Variants in SLC27A1 observed in about 807,000 individuals in gnomAD.
SLC27A1 encodes solute carrier family 27 member 1, also known as long-chain fatty acid transport protein 1.
SLC27A1 carries 61 observed loss-of-function variants against 62.2 expected under a neutral mutation model. That is an observed-to-expected ratio of 0.98 (90% CI 0.80 to 1.21). The LOEUF (loss-of-function observed/expected upper bound fraction) is 1.21. SLC27A1 is among the 50% of genes most tolerant of loss of function. The probability of loss-of-function intolerance (pLI) is 0.00; values close to 1 mark genes in which losing one functional copy is unlikely to be tolerated. For synonymous variants in SLC27A1, 435 were observed against 408.6 expected, an observed-to-expected ratio of 1.06 and a Z score of -0.78; for missense variants, 903 against 932.1, an observed-to-expected ratio of 0.97 and a Z score of 0.41.
rs1268567904 is a variant in SLC27A1, at chr19:17,489,053, T to C, written c.932T>C (p.Val311Ala). 2 of 1,614,110 alleles carry C rather than the reference T, an allele frequency of 1.2e-6. No individual in the cohort carries two copies. Among genetic ancestry groups the C allele is most frequent in the East Asian group, 2.2e-5 (1 of 44,870 alleles). Residue 311 changes from valine (V) to alanine (A), a missense_variant, in exon 6 of 12, where the codon GTC becomes GCC. Val to Ala is a moderately conservative substitution (Grantham distance 64). Coordinates refer to ENST00000252595, the MANE Select transcript of SLC27A1 (RefSeq NM_198580.3). The stretch of plus-strand genomic sequence containing the variant: ...CAGTGTCTCATCTATGGGCTGACAG[T>C]CGTCCTCCGCAAGAAATTCTCGGCC... Reference protein sequence around the residue: ...VGQCLIYGLTVVLRKKFSASR... With the variant: ...VGQCLIYGLTAVLRKKFSASR...
chr19:17,483,238 G>C (rs2144566018), intron 1 of SLC27A1, among the ~76,000 whole-genome samples: 1 of 152,290 alleles, frequency 6.6e-6, no homozygotes, highest in East Asian at 1.9e-4. Context: ...GTGACAGGGA[G>C]GGCTCCCAGG....
chr19:17,487,040 C>T (rs755344104), intron 2 of SLC27A1, 83 bp downstream of exon 2: 21 of 1,543,382 alleles, frequency 1.4e-5, no homozygotes, highest in Non-Finnish European at 1.6e-5. Flanking sequence ...CCCCAGGCCT[C>T]GGAAGGCGGC....
At chr19:17,484,394 C>A (rs2075208677) in intron 1 of SLC27A1, among the ~76,000 whole-genome samples, 1 of 152,118 alleles carries the variant, frequency 6.6e-6, no homozygotes, top group Non-Finnish European at 1.5e-5. Flanking sequence ...AGTTCGAGAC[C>A]AGCCTGGCCA....
intron 6 of SLC27A1, among the ~76,000 whole-genome samples, chr19:17,494,819 C>T (rs73504203): frequency 0.027 from 4,129 of 150,592 alleles, 205 homozygotes; most frequent in African/African-American, 0.091. Flanking sequence ...AAATAGGCAA[C>T]GTAGAGTAGC....
chr19:17,481,835 C>T (rs932616059), intron 1 of SLC27A1, among the ~76,000 whole-genome samples: 12 of 152,146 alleles, frequency 7.9e-5, no homozygotes, highest in African/African-American at 2.9e-4. Flanking sequence ...GAAGTTCTCT[C>T]CTTAAGGAGG....
intron 1 of SLC27A1, among the ~76,000 whole-genome samples, chr19:17,476,381 C>CA (rs1323005438): frequency 2.0e-5 from 3 of 151,690 alleles, no homozygotes; most frequent in Admixed American, 1.3e-4. Context: ...ACTAAAAATA[C>CA]AAAAAAATTA....
At chr19:17,488,614 C>T in intron 4 of SLC27A1, 5 of 588,090 alleles carry the variant, frequency 8.5e-6, no homozygotes, top group Non-Finnish European at 1.5e-5. Flanking sequence ...GATCCCCCAA[C>T]CCCCCTGGCT....
intron 1 of SLC27A1, among the ~76,000 whole-genome samples, chr19:17,485,891 A>G (rs1289997019): frequency 2.0e-5 from 3 of 152,042 alleles, no homozygotes; most frequent in Non-Finnish European, 4.4e-5. Flanking sequence ...GCCTGCCTCC[A>G]CACAATCATT....
chr19:17,488,869 C>T lies in SLC27A1; in HGVS notation c.816C>T (p.Phe272=), dbSNP rs781760092. 1.2e-6 allele frequency: 2 copies of T among 1,613,784 alleles called. No homozygotes were observed. The highest frequency in any genetic ancestry group is 2.7e-5 in the African/African-American group (2 of 74,910). ...GCAGGTACTACCGCATGGCAGCCTTCGGCCACCACGCCTACCGCATGCAGG... is the reference window on the plus strand; with the variant it reads ...GCAGGTACTACCGCATGGCAGCCTTTGGCCACCACGCCTACCGCATGCAGG... ...VHSRYYRMAA[F]GHHAYRMQAA... Residue 272 remains phenylalanine (F), a synonymous_variant, in exon 5 of 12, where the codon TTC becomes TTT. Coordinates refer to ENST00000252595, the MANE Select transcript of SLC27A1 (RefSeq NM_198580.3).
At chr19:17,493,295 G>A (rs1360202240) in intron 6 of SLC27A1, among the ~76,000 whole-genome samples, 1 of 151,400 alleles carries the variant, frequency 6.6e-6, no homozygotes, top group Non-Finnish European at 1.5e-5. Context: ...ATGCATGGTG[G>A]CGGGCACCTG....
chr19:17,504,773 C>G lies in SLC27A1; in HGVS notation c.*161C>G. ...GAGAAACTGGAACCTCAGAGGAACC[C>G]GTGCCTCTCTGCTGCCTTGGTGCCC... On this transcript the variant is annotated 3_prime_UTR_variant, in exon 12 of 12. Coordinates refer to ENST00000252595, the MANE Select transcript of SLC27A1 (RefSeq NM_198580.3). 3 of 929,902 alleles carry G rather than the reference C, an allele frequency of 3.2e-6. No homozygotes were observed. The highest frequency in any genetic ancestry group is 5.1e-6 in the Non-Finnish European group (3 of 592,164). 57.6% of individuals were successfully genotyped at this position (929,902 alleles called of 1,614,324 possible).
chr19:17,477,399 G>A (rs2075135203), intron 1 of SLC27A1, among the ~76,000 whole-genome samples: 1 of 149,850 alleles, frequency 6.7e-6, no homozygotes, highest in Non-Finnish European at 1.5e-5. Context: ...GCACCACCAT[G>A]CCTGGCTACT....
At chr19:17,493,612 A>G (rs938856160) in intron 6 of SLC27A1, among the ~76,000 whole-genome samples, 5 of 151,494 alleles carry the variant, frequency 3.3e-5, no homozygotes, top group African/African-American at 1.2e-4. Context: ...GCAGCAGGCT[A>G]TAATCTAGAA....
rs1038163178 is a variant in SLC27A1 at position 17,486,510 on chromosome 19, G to C, written c.168-53G>C. On this transcript the variant is annotated intron_variant, in intron 1 of 11. Coordinates refer to ENST00000252595, the MANE Select transcript of SLC27A1 (RefSeq NM_198580.3). The surrounding 1 kb of genome is among the most constrained non-coding windows in gnomAD (Gnocchi z 6.6). Reference sequence around the variant, plus strand: ...CAGCGGGGAGGCTGAGGCTCCCAGAGGCCAGGCGGGGCAGGGCACCAGTGA... The same window carrying C: ...CAGCGGGGAGGCTGAGGCTCCCAGACGCCAGGCGGGGCAGGGCACCAGTGA... 1.3e-6 allele frequency: 2 copies of C among 1,505,440 alleles called. No homozygotes were observed. The highest frequency in any genetic ancestry group is 1.8e-6 in the Non-Finnish European group (2 of 1,129,670). The allele number at this position is 1,505,440 out of a possible 1,614,324, so 93.3% of individuals were successfully genotyped here.
In SLC27A1 at chr19:17,501,359, G is replaced by T; in HGVS notation, c.1723G>T (p.Val575Leu). The T allele has an allele frequency of 1.2e-6, 2 of 1,614,008 alleles. No homozygotes were observed. The highest frequency in any genetic ancestry group is 1.7e-6 in the Non-Finnish European group (2 of 1,179,976). The change falls in exon 11 of 12, where the codon GTG (valine) becomes TTG (leucine). Residue 575 changes from valine to leucine, a missense_variant. By Grantham distance (32) the Val-to-Leu change is conservative (BLOSUM62 1). Coordinates refer to ENST00000252595, the MANE Select transcript of SLC27A1 (RefSeq NM_198580.3). ...PNAIYQELQK[V>L]LAPYARPIFL... is the part of the protein sequence containing the mutation. ...CGCGATATACCAGGAGCTGCAGAAG[G>T]TGCTGGCACCCTATGCCCGGCCCAT... is the stretch of plus-strand genomic sequence containing the variant.
intron 1 of SLC27A1, among the ~76,000 whole-genome samples, chr19:17,479,708 A>G (rs939809759): frequency 6.6e-5 from 10 of 152,132 alleles, no homozygotes; most frequent in African/African-American, 2.4e-4. Flanking sequence ...CAGTGGTGCA[A>G]TCTAGGCTCG....
At chr19:17,500,071 A>C in intron 7 of SLC27A1, 1 of 736,648 alleles carries the variant, frequency 1.4e-6, no homozygotes, top group Non-Finnish European at 2.1e-6. Context: ...TCTTCTCTTG[A>C]CTGAATGCAG....
chr19:17,470,774 G>A, intron 1 of SLC27A1, 67 bp downstream of exon 1: 1 of 1,420,486 alleles, frequency 7.0e-7, no homozygotes, highest in South Asian at 1.4e-5. Context: ...GCACGGTGCA[G>A]GGCTGGGTTG....
Position 17,504,658 on chromosome 19 carries a change from C to T in SLC27A1, c.*46C>T. The T allele has an allele frequency of 6.2e-7, 1 of 1,611,176 alleles. No homozygotes were observed. Among genetic ancestry groups the T allele is most frequent in the East Asian group, 2.2e-5 (1 of 44,792 alleles). ...CAAACTCTGGGCCTGGTGGGAGAGG[C>T]CAGCTTGAGCCAGACAGCGCTGCCC... On this transcript the variant is annotated 3_prime_UTR_variant, in exon 12 of 12. Transcript: ENST00000252595.
Sources: allele counts gnomAD v4.1 joint callset (sites outside exome capture counted in the v4.1 genomes callset), GRCh38; gene constraint gnomAD v4.1.1; non-coding constraint Gnocchi (gnomAD v3.1); transcripts MANE v1.5; gene names NCBI Gene and HGNC (gene_info 2026-07-23, HGNC 2026-07-21).